MTUS2: variants seen among roughly 807,000 people sequenced by gnomAD.
MTUS2 encodes microtubule associated scaffold protein 2.
Under a neutral mutation model 114.1 loss-of-function variants are expected in MTUS2, and 40 were observed. The observed-to-expected ratio is 0.35, with a 90% CI of 0.27 to 0.46. The LOEUF (loss-of-function observed/expected upper bound fraction) is 0.46, where lower values mean the gene tolerates loss of function less well. Among genes scored for constraint, MTUS2 ranks in the 20% least tolerant of loss-of-function variants. MTUS2 has a pLI of 1.00. For missense variants in MTUS2, 1,679 were observed against 1,705.4 expected (o/e 0.98, Z 0.27); for synonymous variants, 688 against 672.0 (o/e 1.02, Z -0.37).
At chr13:28,830,074 T>C (rs747534358) in intron 1 of MTUS2, among the ~76,000 whole-genome samples, 3 of 152,182 alleles carry the variant, frequency 2.0e-5, no homozygotes, top group Non-Finnish European at 2.9e-5. Flanking sequence ...AGCTGACCAC[T>C]GAAGCTAGAC....
At chr13:28,864,287 T>C (rs1459537210) in intron 2 of MTUS2, among the ~76,000 whole-genome samples, 1 of 152,142 alleles carries the variant, frequency 6.6e-6, no homozygotes, top group African/African-American at 2.4e-5. Context: ...ATAGCAAGTA[T>C]GTTATAAGGG....
intron 2 of MTUS2, among the ~76,000 whole-genome samples, chr13:28,903,549 T>C (rs1480162788): frequency 2.0e-5 from 3 of 151,818 alleles, no homozygotes; most frequent in Non-Finnish European, 4.4e-5. Flanking sequence ...TTGCTGAGAA[T>C]GATGGTTTCC....
intron 5 of MTUS2, among the ~76,000 whole-genome samples, chr13:29,226,343 CATTT>C (rs1896108183): frequency 6.6e-6 from 1 of 152,138 alleles, no homozygotes; most frequent in African/African-American, 2.4e-5. Flanking sequence ...TTCATATTCT[CATTT>C]ATACTATCAA....
intron 2 of MTUS2, among the ~76,000 whole-genome samples, chr13:28,986,003 T>C (rs189538715): frequency 1.2e-4 from 18 of 152,342 alleles, no homozygotes; most frequent in African/African-American, 4.1e-4. Context: ...AATCTCTTTC[T>C]CTCGAGCTCT....
chr13:28,892,259 A>C (rs1203737012), intron 2 of MTUS2, among the ~76,000 whole-genome samples: 1 of 152,118 alleles, frequency 6.6e-6, no homozygotes, highest in African/African-American at 2.4e-5. Context: ...GAATGATCAC[A>C]TGTGTGCGGG....
At chr13:29,048,516 G>A (rs1004034478) in intron 4 of MTUS2, among the ~76,000 whole-genome samples, 7 of 152,242 alleles carry the variant, frequency 4.6e-5, no homozygotes, top group African/African-American at 7.2e-5. Flanking sequence ...TCTCTTGCCC[G>A]TCACTGCAGT....
chr13:29,371,228 C>CAG (rs1341738947), intron 8 of MTUS2, among the ~76,000 whole-genome samples: 1 of 147,748 alleles, frequency 6.8e-6, no homozygotes, highest in East Asian at 2.0e-4. Flanking sequence ...ACCCCCCCCC[C>CAG]CTTTTTTGAG....
At chr13:29,022,570 C>A (rs184413792) in intron 2 of MTUS2, among the ~76,000 whole-genome samples, 5 of 152,322 alleles carry the variant, frequency 3.3e-5, no homozygotes, top group Non-Finnish European at 7.3e-5. Flanking sequence ...TGCCATGTAA[C>A]CTGTTTCAGG....
intron 7 of MTUS2, among the ~76,000 whole-genome samples, chr13:29,339,213 C>T (rs76933452): frequency 0.058 from 8,869 of 152,246 alleles, 312 homozygotes; most frequent in Non-Finnish European, 0.081. Context: ...CTGTGGCCGG[C>T]GTACTTCCTG....
In MTUS2 at chr13:29,367,302, C is replaced by T. The variant is rs1233443758; in HGVS notation, c.3117+7829C>T. 4.6e-5 allele frequency among the ~76,000 whole-genome samples: 7 copies of T among 151,972 alleles called. No homozygotes were observed. In the East Asian group the frequency reaches 5.8e-4, roughly 13 times the overall value. On this transcript the variant is annotated intron_variant, in intron 8 of 15. Coordinates refer to ENST00000612955, the MANE Select transcript of MTUS2 (RefSeq NM_001033602.4). ...CAGCAGGAAGAACTTGAGCAGAGAGCGGTGCAGTGTGGGGAGAGGGCAGGA... is the reference window on the plus strand; with the variant it reads ...CAGCAGGAAGAACTTGAGCAGAGAGTGGTGCAGTGTGGGGAGAGGGCAGGA...
intron 5 of MTUS2, among the ~76,000 whole-genome samples, chr13:29,175,032 A>G (rs560882775): frequency 2.0e-5 from 3 of 152,300 alleles, no homozygotes; most frequent in Admixed American, 2.0e-4. Context: ...CTTGAATCTA[A>G]GGGGAATATT....
intron 2 of MTUS2, among the ~76,000 whole-genome samples, chr13:28,915,371 A>G (rs1028286712): frequency 9.2e-5 from 14 of 151,952 alleles, no homozygotes; most frequent in Non-Finnish European, 2.1e-4. Context: ...AGGAAACTCC[A>G]AACTCTTCTC....
At chr13:28,893,401 C>G (rs1278439375) in intron 2 of MTUS2, among the ~76,000 whole-genome samples, 1 of 152,162 alleles carries the variant, frequency 6.6e-6, no homozygotes, top group Non-Finnish European at 1.5e-5. Flanking sequence ...ACAGGGCAAA[C>G]ATAGACGGGA....
rs983142708 is a variant in MTUS2, at chr13:29,024,609, G to T, written c.-90G>T. 6.7e-7 allele frequency: 1 copy of T among 1,490,066 alleles called. No individual in the cohort carries two copies. The highest frequency in any genetic ancestry group is 9.1e-7 in the Non-Finnish European group (1 of 1,100,618). 92.3% of individuals were successfully genotyped at this position (1,490,066 alleles called of 1,614,324 possible). A position where few individuals can be genotyped will look rare whatever the true frequency, so the allele number is the denominator to read the frequency against. ...TGTCAGGGGAGAACAAGCAGCTTGA[G>T]AATTTCCTCTTAATCTGATTGCAGC... is the stretch of plus-strand genomic sequence containing the variant. On this transcript the variant is annotated 5_prime_UTR_variant, in exon 3 of 16. Transcript: ENST00000612955.
chr13:28,963,854 A>G (rs886834626), intron 2 of MTUS2, among the ~76,000 whole-genome samples: 1 of 152,124 alleles, frequency 6.6e-6, no homozygotes, highest in Non-Finnish European at 1.5e-5. Context: ...GCACAATGGC[A>G]TTCACCCTCC....
intron 5 of MTUS2, among the ~76,000 whole-genome samples, chr13:29,179,279 C>G (rs1172905150): frequency 6.6e-6 from 1 of 152,132 alleles, no homozygotes; most frequent in Admixed American, 6.5e-5. Context: ...AATATCTCTG[C>G]GTTAACCATA....
At position 28,969,230 on chromosome 13, in the gene MTUS2, C is replaced by T. The variant is rs560782098; in HGVS notation, c.-242-55227C>T. Among the ~76,000 whole-genome samples, 5 of 151,950 alleles carry T rather than the reference C, an allele frequency of 3.3e-5. No individual in the cohort carries two copies. In the South Asian group the frequency reaches 8.3e-4, roughly 25 times the overall value. ...CTAATTTTTGTATTTTTTGTAGAGA[C>T]ATGGTTGAACTGTGTTGCCCAAGCT... On this transcript the variant is annotated intron_variant, in intron 2 of 15. Transcript: ENST00000612955.
intron 2 of MTUS2, among the ~76,000 whole-genome samples, chr13:28,929,182 T>C (rs1020928038): frequency 5.9e-5 from 9 of 151,960 alleles, no homozygotes; most frequent in Non-Finnish European, 8.8e-5. Context: ...GAAGGGTGGG[T>C]TGAAGGAGAG....
At chr13:29,360,854 T>C (rs1201458671) in intron 8 of MTUS2, among the ~76,000 whole-genome samples, 1 of 152,146 alleles carries the variant, frequency 6.6e-6, no homozygotes, top group Non-Finnish European at 1.5e-5. Context: ...GGGCTGTTCC[T>C]TGAAGTTCAG....
Sources: allele counts gnomAD v4.1 joint callset (sites outside exome capture counted in the v4.1 genomes callset), GRCh38; gene constraint gnomAD v4.1.1; transcripts MANE v1.5; gene names NCBI Gene and HGNC (gene_info 2026-07-23, HGNC 2026-07-21).